Variants in RYR3 observed in about 807,000 individuals in gnomAD.
The protein encoded by RYR3 is brain ryanodine receptor-calcium release channel.
A neutral mutation model predicts 584.3 loss-of-function variants in RYR3; 207 were observed. That is an observed-to-expected ratio of 0.35 (90% CI 0.32 to 0.40). The LOEUF (loss-of-function observed/expected upper bound fraction) is 0.40. Among genes scored for constraint, RYR3 ranks in the 10% least tolerant of loss-of-function variants. The pLI is 1.00. For missense variants in RYR3, 5,616 were observed against 6,089.2 expected (o/e 0.92, Z 2.59); for synonymous variants, 2,416 against 2,248.5 (o/e 1.07, Z -2.11).
intron 12 of RYR3, among the ~76,000 whole-genome samples, chr15:33,577,512 T>C (rs1449064866): frequency 6.6e-6 from 1 of 152,130 alleles, no homozygotes; most frequent in Non-Finnish European, 1.5e-5. Flanking sequence ...AAACAAGCAA[T>C]GGGGAAGTGA....
intron 38 of RYR3, among the ~76,000 whole-genome samples, chr15:33,689,368 A>T (rs1027510827): frequency 7.9e-5 from 12 of 152,034 alleles, no homozygotes; most frequent in Admixed American, 1.3e-4. Flanking sequence ...CTTAAATTTA[A>T]AAAAAAAATC....
At chr15:33,547,163 A>G (rs1368150794) in intron 8 of RYR3, among the ~76,000 whole-genome samples, 1 of 152,204 alleles carries the variant, frequency 6.6e-6, no homozygotes, top group East Asian at 1.9e-4. Flanking sequence ...GGCTTTGTTA[A>G]TCACTGGAAA....
intron 43 of RYR3, among the ~76,000 whole-genome samples, chr15:33,715,804 T>G (rs566443571): frequency 2.6e-5 from 4 of 152,162 alleles, no homozygotes; most frequent in Admixed American, 1.3e-4. Flanking sequence ...TCCCTTCAAT[T>G]TTAAACCCTT....
chr15:33,363,300 T>C (rs1304201544), intron 1 of RYR3, among the ~76,000 whole-genome samples: 1 of 152,150 alleles, frequency 6.6e-6, no homozygotes, highest in Non-Finnish European at 1.5e-5. Flanking sequence ...AACTAAAACA[T>C]CTTGGTTCTG....
At chr15:33,807,894 A>G (rs2076288647) in intron 70 of RYR3, 1 of 376,858 alleles carries the variant, frequency 2.7e-6, no homozygotes, top group East Asian at 4.8e-5. Context: ...TTGAGAACCC[A>G]GGGGACTACT....
intron 1 of RYR3, among the ~76,000 whole-genome samples, chr15:33,330,432 A>G (rs1342038384): frequency 2.0e-5 from 3 of 151,984 alleles, no homozygotes; most frequent in Admixed American, 6.6e-5. Flanking sequence ...CCAATCAACC[A>G]TAGCTTTCTA....
At chr15:33,342,716 A>G (rs1971975955) in intron 1 of RYR3, among the ~76,000 whole-genome samples, 2 of 152,134 alleles carry the variant, frequency 1.3e-5, no homozygotes, top group South Asian at 4.1e-4. Context: ...TCTCTTCAAA[A>G]TGGCATGAGT....
chr15:33,682,644 T>C (rs1230522064), intron 38 of RYR3, among the ~76,000 whole-genome samples: 1 of 152,168 alleles, frequency 6.6e-6, no homozygotes, highest in Non-Finnish European at 1.5e-5. Context: ...TTCAAGAGCA[T>C]TTGCTTTATT....
intron 16 of RYR3, among the ~76,000 whole-genome samples, chr15:33,596,495 T>TG (rs71117157): frequency 0.05 from 6,617 of 133,252 alleles, 500 homozygotes; most frequent in African/African-American, 0.15. Context: ...GTTCTTTTTT[T>TG]GGGGGGGGGG....
At chr15:33,620,172 G>A (rs1303746177) in intron 19 of RYR3, among the ~76,000 whole-genome samples, 2 of 152,076 alleles carry the variant, frequency 1.3e-5, no homozygotes, top group Non-Finnish European at 2.9e-5. Context: ...AGTCCTTGGC[G>A]TCACCCTGAG....
intron 1 of RYR3, among the ~76,000 whole-genome samples, chr15:33,361,092 A>C (rs538500050): frequency 1.3e-5 from 2 of 152,344 alleles, no homozygotes; most frequent in East Asian, 3.9e-4. Context: ...CTCAGCCTGC[A>C]TACAGCTGGG....
At chr15:33,331,106 T>C (rs1042626875) in intron 1 of RYR3, among the ~76,000 whole-genome samples, 7 of 152,274 alleles carry the variant, frequency 4.6e-5, no homozygotes, top group Admixed American at 1.3e-4. Context: ...GAGAATATAT[T>C]TTAAAGGCTG....
In RYR3 at chr15:33,461,128, T is replaced by C. The variant is rs376315015; in HGVS notation, c.52-12291T>C. ...CCCAGCTAATTTTTTGTATTTTTAG[T>C]AGAGACGGGGTTTCACCGTGTTAGC... On this transcript the variant is annotated intron_variant, in intron 1 of 103. Coordinates refer to ENST00000634891, the MANE Select transcript of RYR3 (RefSeq NM_001036.6). Among the ~76,000 whole-genome samples the C allele has an allele frequency of 7.2e-5, 11 of 152,022 alleles. No individual in the cohort carries two copies. In the East Asian group the frequency reaches 1.9e-3, roughly 27 times the overall value.
intron 34 of RYR3, among the ~76,000 whole-genome samples, chr15:33,661,331 T>C (rs537219795): frequency 6.0e-4 from 91 of 152,246 alleles, no homozygotes; most frequent in African/African-American, 2.2e-3. Flanking sequence ...ATAATGTTAA[T>C]TGGTTTCAGG....
intron 1 of RYR3, among the ~76,000 whole-genome samples, chr15:33,330,190 C>T (rs1227509584): frequency 1.3e-5 from 2 of 152,114 alleles, no homozygotes; most frequent in East Asian, 3.9e-4. Flanking sequence ...TTTTAGGGTA[C>T]ATGTTCTTTG....
intron 3 of RYR3, among the ~76,000 whole-genome samples, chr15:33,511,898 CCTCCCGAGTAGCTGGG>C (rs934464766): frequency 4.3e-4 from 66 of 152,322 alleles, no homozygotes; most frequent in African/African-American, 1.6e-3. Context: ...CCTGCCTCAG[CCTCCCGAGTAGCTGGG>C]ACTACAGGCG....
At position 33,647,444 on chromosome 15, in the gene RYR3, T is replaced by A. The variant is rs576882927; in HGVS notation, c.3962T>A (p.Leu1321His). The change falls in exon 30 of 104, where the codon CTC becomes CAC. Residue 1321 changes from leucine to histidine, a missense_variant. Leu to His is a moderately conservative substitution (Grantham distance 99, BLOSUM62 -3). Around this residue, in one of 9 missense-constraint regions of RYR3, gnomAD observed 753 missense variants for 741.0 expected, o/e 1.02. Coordinates refer to ENST00000634891, the MANE Select transcript of RYR3 (RefSeq NM_001036.6). ...CCCAGGAAACAGATGCAAGAAATAC[T>A]CTCTCATACAACAACAGTAAGTAAA... ...FQKRKQMQEI[L>H]SHTTTQCYYA... The A allele has an allele frequency of 1.2e-6, 2 of 1,607,024 alleles. No individual in the cohort carries two copies. The highest frequency in any genetic ancestry group is 2.7e-5 in the African/African-American group (2 of 74,910).
intron 70 of RYR3, among the ~76,000 whole-genome samples, chr15:33,808,712 C>T (rs2076339973): frequency 6.6e-6 from 1 of 152,182 alleles, no homozygotes; most frequent in Non-Finnish European, 1.5e-5. Context: ...CCAGCAAGCA[C>T]TCAGCCAGTG....
At chr15:33,775,927 C>T (rs533834431) in intron 64 of RYR3, among the ~76,000 whole-genome samples, 2 of 152,322 alleles carry the variant, frequency 1.3e-5, no homozygotes, top group East Asian at 3.9e-4. Context: ...GTTTCCATTT[C>T]GGTGTCCTTA....
Sources: gnomAD v4.1 joint callset for allele counts (sites outside exome capture counted in the v4.1 genomes callset) on GRCh38, gnomAD v4.1.1 for gene constraint, gnomAD v4.1.1 regional missense constraint, MANE v1.5 for transcripts, NCBI Gene and HGNC (gene_info 2026-07-23, HGNC 2026-07-21) for gene names.